STK39: variants seen among roughly 807,000 people sequenced by gnomAD.
STK39 encodes the protein STE20/SPS1-related proline-alanine-rich protein kinase.
STK39 carries 20 observed loss-of-function variants against 77.8 expected under a neutral mutation model. That is an observed-to-expected ratio of 0.26 (90% CI 0.18 to 0.37). The LOEUF is 0.37. STK39 is among the 10% of genes least tolerant of loss of function. The pLI, the probability that STK39 is intolerant of heterozygous loss-of-function variation, is 1.00. For missense variants in STK39, 479 were observed against 656.5 expected (o/e 0.73, Z 2.95); for synonymous variants, 246 against 234.1 (o/e 1.05, Z -0.47).
Position 168,004,184 on chromosome 2 carries a change from T to C in STK39, c.1498+8450A>G, listed in dbSNP as rs78951480. Among the ~76,000 whole-genome samples, 698 of 152,330 alleles carry C rather than the reference T, an allele frequency of 4.6e-3. 5 individuals are homozygous for C. Among genetic ancestry groups the C allele is most frequent in the East Asian group, 0.036 (186 of 5,188 alleles). ...GGATCCACTGCCTCCTGAGCAGCAA[T>C]GTTAGTTTTAATCAAAACTGTAACT... On this transcript the variant is annotated intron_variant, in intron 16 of 17. Transcript: ENST00000355999.
At chr2:168,140,565 T>C (rs1687954476) in intron 6 of STK39, 84 bp downstream of exon 6, 1 of 1,245,366 alleles carries the variant, frequency 8.0e-7, no homozygotes, top group Admixed American at 2.0e-5. Flanking sequence ...ACTAAAATGC[T>C]AGATACAAAT....
chr2:168,137,615 TA>T (rs1367359415), intron 8 of STK39, among the ~76,000 whole-genome samples: 2 of 152,214 alleles, frequency 1.3e-5, no homozygotes, highest in African/African-American at 4.8e-5. Flanking sequence ...TCTTTACTGA[TA>T]ATCTTTTAAA....
intron 14 of STK39, among the ~76,000 whole-genome samples, chr2:168,042,704 C>T (rs768321168): frequency 1.3e-5 from 2 of 151,916 alleles, no homozygotes; most frequent in East Asian, 1.9e-4. Context: ...CTCAGCCTCC[C>T]GAGTAGCTGG....
chr2:167,972,748 C>T (rs1692384116), intron 16 of STK39, among the ~76,000 whole-genome samples: 1 of 152,104 alleles, frequency 6.6e-6, no homozygotes, highest in South Asian at 2.1e-4. Flanking sequence ...GCTTTAACAG[C>T]CTGGGACTCC....
intron 5 of STK39, among the ~76,000 whole-genome samples, chr2:168,152,557 T>C (rs1433385169): frequency 2.6e-5 from 4 of 152,176 alleles, no homozygotes; most frequent in Admixed American, 2.6e-4. Context: ...TGAAACCTAA[T>C]GGCAAGAAGC....
At chr2:168,155,802 TGCTAA>T (rs1216153707) in intron 5 of STK39, among the ~76,000 whole-genome samples, 3 of 152,234 alleles carry the variant, frequency 2.0e-5, no homozygotes, top group African/African-American at 7.2e-5. Context: ...CCTCCCTCCC[TGCTAA>T]GCTGATATAT....
chr2:168,122,825 TA>T (rs1272167198), intron 10 of STK39, among the ~76,000 whole-genome samples: 1 of 152,212 alleles, frequency 6.6e-6, no homozygotes, highest in African/African-American at 2.4e-5. Context: ...AGCCATGACA[TA>T]AAGTATAAAT....
chr2:168,224,287 G>A (rs1690252301), intron 1 of STK39, among the ~76,000 whole-genome samples: 1 of 152,022 alleles, frequency 6.6e-6, no homozygotes, highest in African/African-American at 2.4e-5. Flanking sequence ...ACATACATAT[G>A]TACTGATAAT....
chr2:168,035,592 G>A (rs550678763), intron 14 of STK39, among the ~76,000 whole-genome samples: 4 of 152,232 alleles, frequency 2.6e-5, no homozygotes, highest in South Asian at 2.1e-4. Flanking sequence ...AAGAAAAACC[G>A]TTCGGCTCAG....
chr2:168,223,235 C>T (rs1329365103), intron 1 of STK39, among the ~76,000 whole-genome samples: 5 of 152,104 alleles, frequency 3.3e-5, no homozygotes, highest in Non-Finnish European at 7.3e-5. Context: ...CTTGGCCAGG[C>T]GCAGTGGCTC....
chr2:168,124,393 G>A (rs1687487224), intron 10 of STK39, among the ~76,000 whole-genome samples: 1 of 151,858 alleles, frequency 6.6e-6, no homozygotes, highest in Non-Finnish European at 1.5e-5. Flanking sequence ...CCATATGTGG[G>A]TTATATTTTT....
chr2:167,955,276 T>C lies in STK39; in HGVS notation c.*220A>G. 1 of 457,194 alleles carries C rather than the reference T, an allele frequency of 2.2e-6. No homozygotes were observed. Among genetic ancestry groups the C allele is most frequent in the Non-Finnish European group, 4.0e-6 (1 of 253,136 alleles). 28.3% of individuals were successfully genotyped at this position (457,194 alleles called of 1,614,324 possible). On this transcript the variant is annotated 3_prime_UTR_variant, in exon 18 of 18. Coordinates refer to ENST00000355999, the MANE Select transcript of STK39 (RefSeq NM_013233.3). ...CTGTGGCATTTGCTTGTTCTTGTACTGTGGATTGCTAGAGAATAAAGCAGA... is the reference window on the plus strand; with the variant it reads ...CTGTGGCATTTGCTTGTTCTTGTACCGTGGATTGCTAGAGAATAAAGCAGA...
intron 1 of STK39, among the ~76,000 whole-genome samples, chr2:168,188,787 G>A (rs149021528): frequency 0.016 from 2,378 of 152,320 alleles, 53 homozygotes; most frequent in African/African-American, 0.054. Flanking sequence ...TGTGCACAGT[G>A]CAATCTCAAG....
intron 10 of STK39, among the ~76,000 whole-genome samples, chr2:168,122,678 C>G (rs1160763860): frequency 6.6e-6 from 1 of 152,056 alleles, no homozygotes; most frequent in Non-Finnish European, 1.5e-5. Context: ...TTCTAGCAAT[C>G]CTCCCATCTC....
Position 167,955,248 on chromosome 2 carries a change from C to T in STK39, c.*248G>A. 3.0e-6 allele frequency: 1 copy of T among 328,404 alleles called. No individual in the cohort carries two copies. The highest frequency in any genetic ancestry group is 5.6e-6 in the Non-Finnish European group (1 of 177,994). 20.3% of individuals were successfully genotyped at this position (328,404 alleles called of 1,614,324 possible). A position where few individuals can be genotyped will look rare whatever the true frequency, so the allele number is the denominator to read the frequency against. ...TTTGGAAAAATGAGCAACAGTCGTG[C>T]AGCTGTGGCATTTGCTTGTTCTTGT... On this transcript the variant is annotated 3_prime_UTR_variant, in exon 18 of 18. Transcript: ENST00000355999.
intron 14 of STK39, among the ~76,000 whole-genome samples, chr2:168,023,316 T>A (rs1245521922): frequency 1.3e-5 from 2 of 151,460 alleles, no homozygotes; most frequent in Non-Finnish European, 1.5e-5. Context: ...GAGATACAGA[T>A]TGGCGTGCAT....
chr2:167,991,155 G>C (rs973869148), intron 16 of STK39, among the ~76,000 whole-genome samples: 89 of 152,304 alleles, frequency 5.8e-4, no homozygotes, highest in African/African-American at 2.1e-3. Flanking sequence ...CAAAAATGTT[G>C]TAATGGCCAA....
At chr2:168,109,825 C>T (rs957967965) in intron 10 of STK39, among the ~76,000 whole-genome samples, 2 of 152,174 alleles carry the variant, frequency 1.3e-5, no homozygotes, top group Non-Finnish European at 2.9e-5. Context: ...GCTGCACATC[C>T]TTTGATATAA....
chr2:168,089,011 A>C (rs1465984522), intron 10 of STK39, among the ~76,000 whole-genome samples: 2 of 152,182 alleles, frequency 1.3e-5, no homozygotes, highest in Non-Finnish European at 2.9e-5. Flanking sequence ...GATTTCGAAG[A>C]GACTCCCCTA....
Sources: gnomAD v4.1 joint callset for allele counts (sites outside exome capture counted in the v4.1 genomes callset) on GRCh38, gnomAD v4.1.1 for gene constraint, MANE v1.5 for transcripts, NCBI Gene and HGNC (gene_info 2026-07-23, HGNC 2026-07-21) for gene names.